Variants in TCTN1 observed in about 807,000 individuals in gnomAD.
TCTN1 encodes the protein tectonic family member 1, also known as tectonic-1.
Under a neutral mutation model 65.8 loss-of-function variants are expected in TCTN1, and 58 were observed. The ratio of observed to expected loss-of-function variants is 0.88; its 90% CI spans 0.71 to 1.10. The LOEUF (loss-of-function observed/expected upper bound fraction) is 1.10, where lower values mean the gene tolerates loss of function less well. TCTN1 is among the 50% of genes least tolerant of loss of function. The pLI is 0.00. For missense variants in TCTN1, 645 were observed against 719.4 expected, an observed-to-expected ratio of 0.90 and a Z score of 1.18; for synonymous variants, 273 against 289.1, an observed-to-expected ratio of 0.94 and a Z score of 0.57.
Position 110,640,472 on chromosome 12 carries a change from C to T in TCTN1, c.933C>T (p.Leu311=), listed in dbSNP as rs748696458. Residue 311 remains leucine, a synonymous_variant, in exon 8 of 15, where the codon CTC becomes CTT. Coordinates refer to ENST00000397659, the MANE Select transcript of TCTN1 (RefSeq NM_001082538.3). This position sits in a 1 kb window ranked among gnomAD's most constrained non-coding sequence, Gnocchi z 4.9. The part of the protein sequence containing the change: ...REDTDVLQPT[L]VNAGHFSLCV... ...ACACTGATGTGCTGCAGCCGACTCT[C>T]GTCAACGCTGGACACTTTAGCCTTT... The T allele has an allele frequency of 1.2e-5, 20 of 1,614,102 alleles. No homozygotes were observed. The highest frequency in any genetic ancestry group is 4.0e-5 in the African/African-American group (3 of 74,928).
At chr12:110,624,661 G>A (rs1233240935) in intron 2 of TCTN1, among the ~76,000 whole-genome samples, 1 of 150,718 alleles carries the variant, frequency 6.6e-6, no homozygotes, top group East Asian at 1.9e-4. Context: ...TTGGCTCACT[G>A]CAACCTCCCA....
Position 110,628,065 on chromosome 12 carries a change from AG to A in TCTN1, c.473-700del, listed in dbSNP as rs2065972628. 2.6e-6 allele frequency: 4 copies of A among 1,535,622 alleles called. No individual in the cohort carries two copies. In the African/African-American group the frequency reaches 4.1e-5, roughly 16 times the overall value. ...TTCTGTACACAGCACATTTTACTCC[AG>A]GACTTTCACGGTGGCTGTGTGAGAG... On this transcript the variant is annotated intron_variant, in intron 3 of 14. Transcript: ENST00000397659.
Position 110,629,173 on chromosome 12 carries a change from A to G in TCTN1, c.624+255A>G, listed in dbSNP as rs1565978003. 7 of 573,462 alleles carry G rather than the reference A, an allele frequency of 1.2e-5. No individual in the cohort carries two copies. The East Asian group carries it at 2.0e-4, about 16-fold the overall frequency. 35.5% of individuals were successfully genotyped at this position (573,462 alleles called of 1,614,324 possible). A position where few individuals can be genotyped will look rare whatever the true frequency, so the allele number is the denominator to read the frequency against. On this transcript the variant is annotated intron_variant, in intron 4 of 14. Transcript: ENST00000397659. The stretch of plus-strand genomic sequence containing the variant: ...GAAAACCCAGGCAATACCATTCAGG[A>G]CATAGACATGGGCAAAGACATCATG...
intron 5 of TCTN1, 133 bp from the exon 6 acceptor site, chr12:110,634,537 C>A (rs1451298886): frequency 4.0e-6 from 3 of 754,222 alleles, no homozygotes; most frequent in Non-Finnish European, 6.6e-6. Flanking sequence ...CAAACAACAA[C>A]AAAATTGTAT....
At chr12:110,615,259 A>G (rs2064955960) in intron 1 of TCTN1, among the ~76,000 whole-genome samples, 1 of 152,144 alleles carries the variant, frequency 6.6e-6, no homozygotes, top group Non-Finnish European at 1.5e-5. Flanking sequence ...CGACAGAGCA[A>G]GACTGTCTCA....
At position 110,626,801 on chromosome 12, in the gene TCTN1, G is replaced by A. The variant is rs139089911; in HGVS notation, c.472+309G>A. Among the ~76,000 whole-genome samples, 3,789 of 120,498 alleles carry A rather than the reference G, an allele frequency of 0.031. 194 individuals are homozygous for A. The highest frequency in any genetic ancestry group is 0.11 in the African/African-American group (3,585 of 31,554). 79.1% of individuals were successfully genotyped at this position (120,498 alleles called of 152,430 possible). Reference sequence around the variant, plus strand: ...TTTTTTTTTTTTGAGACGGAGTTTCGCTCTTGTTGCCCAGGCTGGAGTGCA... The same window carrying A: ...TTTTTTTTTTTTGAGACGGAGTTTCACTCTTGTTGCCCAGGCTGGAGTGCA... On this transcript the variant is annotated intron_variant, in intron 3 of 14. Coordinates refer to ENST00000397659, the MANE Select transcript of TCTN1 (RefSeq NM_001082538.3).
At chr12:110,642,664 C>T (rs921754135) in intron 11 of TCTN1, among the ~76,000 whole-genome samples, 1 of 151,978 alleles carries the variant, frequency 6.6e-6, no homozygotes, top group African/African-American at 2.4e-5. Context: ...ACAGTGGTGC[C>T]ATTATAGCTC....
Sources: gnomAD v4.1 joint callset for allele counts (sites outside exome capture counted in the v4.1 genomes callset) on GRCh38, gnomAD v4.1.1 for gene constraint, Gnocchi (gnomAD v3.1) non-coding constraint, MANE v1.5 for transcripts, NCBI Gene and HGNC (gene_info 2026-07-23, HGNC 2026-07-21) for gene names.